CA10: variants seen among roughly 807,000 people sequenced by gnomAD.
The protein encoded by CA10 is carbonic anhydrase-related protein 10.
CA10 carries 14 observed loss-of-function variants against 44.2 expected under a neutral mutation model. That is an observed-to-expected ratio of 0.32 (90% CI 0.21 to 0.50). The LOEUF (loss-of-function observed/expected upper bound fraction) is 0.50, where lower values mean the gene tolerates loss of function less well. Among genes scored for constraint, CA10 ranks in the 20% least tolerant of loss-of-function variants. The probability of loss-of-function intolerance (pLI) is 0.99; values close to 1 mark genes in which losing one functional copy is unlikely to be tolerated. For synonymous variants in CA10, 159 were observed against 141.6 expected, an observed-to-expected ratio of 1.12 and a Z score of -0.87; for missense variants, 350 against 409.7, an observed-to-expected ratio of 0.85 and a Z score of 1.26.
At chr17:51,929,193 C>A (rs895800460) in intron 3 of CA10, among the ~76,000 whole-genome samples, 2 of 149,960 alleles carry the variant, frequency 1.3e-5, no homozygotes, top group Non-Finnish European at 3.0e-5. Flanking sequence ...CTCTTCTTTC[C>A]CAATAAATTT....
At chr17:51,809,316 A>G (rs1907264912) in intron 3 of CA10, among the ~76,000 whole-genome samples, 1 of 152,222 alleles carries the variant, frequency 6.6e-6, no homozygotes, top group Non-Finnish European at 1.5e-5. Flanking sequence ...ACTGTGTTCA[A>G]TGCTGGGGTT....
chr17:52,082,423 T>A (rs17669852), intron 1 of CA10, among the ~76,000 whole-genome samples: 1 of 151,914 alleles, frequency 6.6e-6, no homozygotes, highest in Admixed American at 6.6e-5. Context: ...ACGTCTTGTT[T>A]TTTCATTCTT....
intron 3 of CA10, among the ~76,000 whole-genome samples, chr17:51,909,269 G>A (rs577714848): frequency 6.6e-6 from 1 of 152,088 alleles, no homozygotes; most frequent in African/African-American, 2.4e-5. Context: ...TGTCATCCCT[G>A]GTTCTGTAGA....
intron 2 of CA10, among the ~76,000 whole-genome samples, chr17:52,003,324 A>C (rs1327842975): frequency 6.6e-6 from 1 of 151,844 alleles, no homozygotes; most frequent in Non-Finnish European, 1.5e-5. Flanking sequence ...CCAGTTTATA[A>C]AGATGCCTGT....
intron 3 of CA10, among the ~76,000 whole-genome samples, chr17:51,849,163 G>GTATATATATATATACATATATGTA (rs199891093): frequency 5.9e-4 from 53 of 90,242 alleles, no homozygotes; most frequent in South Asian, 5.3e-3. Context: ...ATACATATAT[G>GTATATATATATATACATATATGTA]TATATATATA....
At chr17:51,802,722 C>G (rs764176954) in intron 3 of CA10, among the ~76,000 whole-genome samples, 3 of 152,120 alleles carry the variant, frequency 2.0e-5, no homozygotes, top group African/African-American at 4.8e-5. Flanking sequence ...GTCCCCACCT[C>G]CACTTCATGT....
At chr17:52,093,335 C>T (rs1262200294) in intron 1 of CA10, among the ~76,000 whole-genome samples, 2 of 152,128 alleles carry the variant, frequency 1.3e-5, no homozygotes, top group Non-Finnish European at 2.9e-5. Context: ...AAAAGTGCCC[C>T]CTATAAATGC....
At chr17:52,080,112 G>A (rs1987928176) in intron 1 of CA10, among the ~76,000 whole-genome samples, 2 of 152,204 alleles carry the variant, frequency 1.3e-5, no homozygotes, top group African/African-American at 4.8e-5. Flanking sequence ...TTGATGGCGG[G>A]TAGCCCGTAT....
chr17:52,127,798 G>A (rs139780989), intron 1 of CA10, among the ~76,000 whole-genome samples: 78 of 152,268 alleles, frequency 5.1e-4, no homozygotes, highest in African/African-American at 1.8e-3. Context: ...GATGTGACAT[G>A]CTCACAATAA....
intron 3 of CA10, among the ~76,000 whole-genome samples, chr17:51,842,978 T>C (rs1978348484): frequency 6.6e-6 from 1 of 152,194 alleles, no homozygotes; most frequent in South Asian, 2.1e-4. Context: ...TATGTGCAAA[T>C]GATAAGTACA....
chr17:51,769,005 T>A (rs1905496432), intron 3 of CA10, among the ~76,000 whole-genome samples: 1 of 152,344 alleles, frequency 6.6e-6, no homozygotes, highest in East Asian at 1.9e-4. Context: ...TCTGCAATGA[T>A]GTGCATGTAT....
intron 4 of CA10, among the ~76,000 whole-genome samples, chr17:51,686,538 C>A (rs1316492447): frequency 6.6e-6 from 1 of 152,074 alleles, no homozygotes; most frequent in African/African-American, 2.4e-5. Context: ...GTATTAGAAT[C>A]ACCTTGAGGA....
At chr17:52,064,609 A>G (rs1314817995) in intron 2 of CA10, among the ~76,000 whole-genome samples, 1 of 151,950 alleles carries the variant, frequency 6.6e-6, no homozygotes, top group Non-Finnish European at 1.5e-5. Flanking sequence ...ACAATTAGAC[A>G]TCAGTGGTAA....
At chr17:51,706,613 G>A (rs1915770412) in intron 4 of CA10, among the ~76,000 whole-genome samples, 1 of 152,132 alleles carries the variant, frequency 6.6e-6, no homozygotes, top group African/African-American at 2.4e-5. Context: ...CCTGCTAAAA[G>A]CTAAATCAGA....
intron 5 of CA10, among the ~76,000 whole-genome samples, chr17:51,650,891 C>T (rs908840378): frequency 6.6e-6 from 1 of 152,000 alleles, no homozygotes. Context: ...GTGTTGGCTG[C>T]GTGGGTGAGA....
At chr17:51,830,001 A>T (rs190861974) in intron 3 of CA10, among the ~76,000 whole-genome samples, 153 of 152,252 alleles carry the variant, frequency 1.0e-3, no homozygotes, top group African/African-American at 3.0e-3. Flanking sequence ...GATCGAGACC[A>T]TTCTGGCCAA....
intron 4 of CA10, among the ~76,000 whole-genome samples, chr17:51,711,779 T>G (rs374914031): frequency 3.9e-5 from 6 of 152,152 alleles, no homozygotes; most frequent in African/African-American, 1.4e-4. Flanking sequence ...GACAAGAAGA[T>G]CAGCCTCTGA....
At chr17:51,963,508 T>C (rs1435645840) in intron 2 of CA10, among the ~76,000 whole-genome samples, 1 of 151,734 alleles carries the variant, frequency 6.6e-6, no homozygotes, top group Admixed American at 6.6e-5. Flanking sequence ...ATCTCAGAGG[T>C]AGCTAGAGAA....
intron 3 of CA10, among the ~76,000 whole-genome samples, chr17:51,758,727 T>C (rs1225925304): frequency 6.6e-6 from 1 of 152,260 alleles, no homozygotes; most frequent in African/African-American, 2.4e-5. Context: ...TAGTTTAATA[T>C]TGTTATTTTA....
Sources: gnomAD v4.1 joint callset for allele counts (sites outside exome capture counted in the v4.1 genomes callset) on GRCh38, gnomAD v4.1.1 for gene constraint, MANE v1.5 for transcripts, NCBI Gene and HGNC (gene_info 2026-07-23, HGNC 2026-07-21) for gene names.